XKR6: variants seen among roughly 807,000 people sequenced by gnomAD.
XKR6 encodes the protein XK-related protein 6.
In XKR6, 22 loss-of-function variants were observed where a neutral mutation model predicts 56.7. That is an observed-to-expected ratio of 0.39 (90% CI 0.28 to 0.55). The LOEUF is 0.55. Among genes scored for constraint, XKR6 ranks in the 20% least tolerant of loss-of-function variants. The pLI is 0.66. For synonymous variants in XKR6, 524 were observed against 387.8 expected (o/e 1.35, Z -4.13); for missense variants, 852 against 889.0 (o/e 0.96, Z 0.53).
In XKR6 at chr8:11,016,646, G is replaced by C. The variant is rs530074089; in HGVS notation, c.765-91816C>G. Reference sequence around the variant, plus strand: ...GGGCGTTCCAAGGCCCCGCCTCCTCGTCACTGCCACGGATGACGACGCCCC... The same window carrying C: ...GGGCGTTCCAAGGCCCCGCCTCCTCCTCACTGCCACGGATGACGACGCCCC... On this transcript the variant is annotated intron_variant, in intron 1 of 2. Coordinates refer to ENST00000416569, the MANE Select transcript of XKR6 (RefSeq NM_173683.4). Among the ~76,000 whole-genome samples, 160 of 152,162 alleles carry C rather than the reference G, an allele frequency of 1.1e-3. 1 individual carries two copies. The highest frequency in any genetic ancestry group is 2.7e-3 in the Admixed American group (42 of 15,290).
At chr8:11,024,723 C>G (rs60742264) in intron 1 of XKR6, among the ~76,000 whole-genome samples, 4,207 of 152,326 alleles carry the variant, frequency 0.028, 205 homozygotes, top group African/African-American at 0.095. Flanking sequence ...CCCAGGGAGG[C>G]CCAAGAGGGC....
chr8:11,118,172 C>G (rs17724467), intron 1 of XKR6, among the ~76,000 whole-genome samples: 79,741 of 151,986 alleles, frequency 0.52, 22,535 homozygotes, highest in African/African-American at 0.69. Context: ...CAATACAGTA[C>G]TACTCTTAAT....
chr8:11,095,051 A>G (rs1293914670), intron 1 of XKR6, among the ~76,000 whole-genome samples: 2 of 152,208 alleles, frequency 1.3e-5, no homozygotes, highest in African/African-American at 4.8e-5. Flanking sequence ...TAAAAGTTGG[A>G]AAGAAAAAAA....
intron 1 of XKR6, among the ~76,000 whole-genome samples, chr8:10,958,234 A>C (rs190113597): frequency 6.6e-6 from 1 of 152,352 alleles, no homozygotes; most frequent in Non-Finnish European, 1.5e-5. Context: ...CAACCAAGCC[A>C]AGTCATCTGC....
At chr8:11,086,135 T>C (rs1338092836) in intron 1 of XKR6, among the ~76,000 whole-genome samples, 1 of 114,686 alleles carries the variant, frequency 8.7e-6, no homozygotes, top group Non-Finnish European at 1.8e-5. Flanking sequence ...AAAAAGAAAA[T>C]ATATATATAT....
chr8:11,087,695 T>C (rs1263087017), intron 1 of XKR6, among the ~76,000 whole-genome samples: 1 of 152,194 alleles, frequency 6.6e-6, no homozygotes. Context: ...ATGTCATCTC[T>C]GAGCTACTGA....
intron 1 of XKR6, among the ~76,000 whole-genome samples, chr8:10,983,300 A>G (rs1797777496): frequency 6.6e-6 from 1 of 152,198 alleles, no homozygotes; most frequent in Non-Finnish European, 1.5e-5. Context: ...AAAGGAAGAA[A>G]GGACAAACAT....
At chr8:11,118,222 AACT>A (rs1433187426) in intron 1 of XKR6, among the ~76,000 whole-genome samples, 5 of 142,518 alleles carry the variant, frequency 3.5e-5, no homozygotes, top group Non-Finnish European at 6.1e-5. Context: ...AAACAAGCCC[AACT>A]GTCTGTCAAG....
chr8:11,057,816 A>G (rs1468654584), intron 1 of XKR6, among the ~76,000 whole-genome samples: 1 of 152,170 alleles, frequency 6.6e-6, no homozygotes, highest in African/African-American at 2.4e-5. Flanking sequence ...TTACATTCAT[A>G]CCTACCTCTT....
chr8:10,932,953 C>G (rs1210522586), intron 1 of XKR6, among the ~76,000 whole-genome samples: 34 of 149,346 alleles, frequency 2.3e-4, no homozygotes, highest in African/African-American at 7.5e-4. Context: ...TAATGGGATG[C>G]CTGGGTCAAA....
chr8:11,139,835 C>G (rs1563167457), intron 1 of XKR6, among the ~76,000 whole-genome samples: 2 of 152,166 alleles, frequency 1.3e-5, no homozygotes, highest in Admixed American at 1.3e-4. Context: ...TCAGACCCCA[C>G]ACAAACTTAC....
At chr8:11,185,460 T>C (rs1307434545) in intron 1 of XKR6, among the ~76,000 whole-genome samples, 1 of 152,220 alleles carries the variant, frequency 6.6e-6, no homozygotes, top group Non-Finnish European at 1.5e-5. Context: ...AACTCACTGA[T>C]GACAGTGAAG....
At chr8:10,959,441 G>A (rs1206621128) in intron 1 of XKR6, among the ~76,000 whole-genome samples, 1 of 152,160 alleles carries the variant, frequency 6.6e-6, no homozygotes, top group Non-Finnish European at 1.5e-5. Context: ...TTAAACACTG[G>A]ATATTTATTT....
At chr8:11,155,904 A>G (rs1029154270) in intron 1 of XKR6, among the ~76,000 whole-genome samples, 3 of 152,204 alleles carry the variant, frequency 2.0e-5, no homozygotes, top group Non-Finnish European at 4.4e-5. Context: ...GTGCAAATTT[A>G]GATCATGTCC....
chr8:11,201,309 C>G lies in XKR6; in HGVS notation c.31G>C (p.Gly11Arg). The stretch of plus-strand genomic sequence containing the variant: ...TTGTGCAGCTGAGCGAAGCCCACCC[C>G]CACGCCACCGCCATCGGATTTCGCC... Reference protein sequence around the residue: MAAKSDGGGVGVGFAQLHNLD... With the variant: MAAKSDGGGVRVGFAQLHNLD... Residue 11 changes from glycine (G) to arginine (R), a missense_variant, in exon 1 of 3, where the codon GGG becomes CGG. Around this residue, in one of 4 missense-constraint regions of XKR6, gnomAD observed 417 missense variants for 355.2 expected, o/e 1.17. Transcript: ENST00000416569. The G allele has an allele frequency of 1.3e-6, 2 of 1,580,084 alleles. No homozygotes were observed. Among genetic ancestry groups the G allele is most frequent in the Non-Finnish European group, 1.7e-6 (2 of 1,173,076 alleles).
chr8:11,101,768 C>T (rs1335793349), intron 1 of XKR6, among the ~76,000 whole-genome samples: 1 of 152,180 alleles, frequency 6.6e-6, no homozygotes, highest in Non-Finnish European at 1.5e-5. Context: ...GCATTTGACC[C>T]TGCTCACCAT....
At chr8:11,000,960 T>C (rs1426926337) in intron 1 of XKR6, among the ~76,000 whole-genome samples, 1 of 152,188 alleles carries the variant, frequency 6.6e-6, no homozygotes, top group Non-Finnish European at 1.5e-5. Context: ...TTTGCTTTTC[T>C]GGCAGCCAAG....
chr8:11,153,830 C>G (rs1801377030), intron 1 of XKR6, among the ~76,000 whole-genome samples: 1 of 152,208 alleles, frequency 6.6e-6, no homozygotes, highest in Non-Finnish European at 1.5e-5. Flanking sequence ...ATCAACAGAT[C>G]CTCATGCTCC....
intron 1 of XKR6, among the ~76,000 whole-genome samples, chr8:11,165,855 A>G (rs896921562): frequency 1.3e-5 from 2 of 152,104 alleles, no homozygotes; most frequent in Non-Finnish European, 2.9e-5. Flanking sequence ...GTCCTATACT[A>G]TATCTCACGT....
Sources: gnomAD v4.1 joint callset for allele counts (sites outside exome capture counted in the v4.1 genomes callset) on GRCh38, gnomAD v4.1.1 for gene constraint, gnomAD v4.1.1 regional missense constraint, MANE v1.5 for transcripts, NCBI Gene and HGNC (gene_info 2026-07-23, HGNC 2026-07-21) for gene names.